Variants in CNTN1 observed in about 807,000 individuals in gnomAD.
The protein encoded by CNTN1 is contactin-1.
A neutral mutation model predicts 126.4 loss-of-function variants in CNTN1; 38 were observed. The observed-to-expected ratio is 0.30, with a 90% confidence interval of 0.23 to 0.39. The LOEUF (loss-of-function observed/expected upper bound fraction) is 0.39. Among genes scored for constraint, CNTN1 ranks in the 10% least tolerant of loss-of-function variants. CNTN1 has a pLI of 1.00. For missense variants in CNTN1, 1,009 were observed against 1,248.4 expected (o/e 0.81, Z 2.89); for synonymous variants, 413 against 422.6 (o/e 0.98, Z 0.28).
intron 23 of CNTN1, chr12:41,061,963 TA>T (rs1446206776): frequency 8.7e-6 from 2 of 230,674 alleles, no homozygotes; most frequent in Non-Finnish European, 1.8e-5. Flanking sequence ...CAAAGGGAAA[TA>T]AAATCATCAA....
intron 20 of CNTN1, among the ~76,000 whole-genome samples, chr12:41,020,669 T>C (rs1039049349): frequency 8.5e-5 from 13 of 152,184 alleles, no homozygotes; most frequent in Middle Eastern, 3.4e-3. Flanking sequence ...TGGCAAACAA[T>C]TGGCCAAAAT....
chr12:40,902,975 A>C (rs774190869), intron 1 of CNTN1, among the ~76,000 whole-genome samples: 2 of 152,188 alleles, frequency 1.3e-5, no homozygotes, highest in Non-Finnish European at 2.9e-5. Flanking sequence ...AGAGAAGGAG[A>C]AAGAAAGACG....
chr12:40,881,753 G>A (rs1422987956), intron 1 of CNTN1, among the ~76,000 whole-genome samples: 18 of 151,706 alleles, frequency 1.2e-4, no homozygotes, highest in Non-Finnish European at 2.2e-4. Context: ...TAGGTGATTT[G>A]GGTTTACCGT....
intron 1 of CNTN1, among the ~76,000 whole-genome samples, chr12:40,759,167 G>A (rs1938734030): frequency 6.6e-6 from 1 of 152,104 alleles, no homozygotes; most frequent in Non-Finnish European, 1.5e-5. Context: ...GCCTCCCAAT[G>A]TGCTGGAATT....
intron 15 of CNTN1, among the ~76,000 whole-genome samples, chr12:40,975,604 A>G (rs1312881286): frequency 6.6e-6 from 1 of 152,116 alleles, no homozygotes; most frequent in Non-Finnish European, 1.5e-5. Context: ...AGCATTCTCT[A>G]AGAGGAATTT....
At chr12:40,810,592 T>G (rs1331203276) in intron 1 of CNTN1, among the ~76,000 whole-genome samples, 2 of 101,040 alleles carry the variant, frequency 2.0e-5, no homozygotes, top group African/African-American at 7.2e-5. Context: ...TCTATGAGAT[T>G]GATTTTTTTT....
At chr12:40,792,727 G>A (rs1940266622) in intron 1 of CNTN1, among the ~76,000 whole-genome samples, 1 of 151,812 alleles carries the variant, frequency 6.6e-6, no homozygotes, top group Non-Finnish European at 1.5e-5. Context: ...GGTCTTTTTA[G>A]TTTTAATTGT....
At chr12:40,964,488 C>T (rs566057898) in intron 15 of CNTN1, among the ~76,000 whole-genome samples, 5 of 150,636 alleles carry the variant, frequency 3.3e-5, no homozygotes, top group African/African-American at 4.9e-5. Flanking sequence ...TTTAACCTTA[C>T]GTGGACTTGT....
At chr12:40,898,998 G>A (rs567038189) in intron 1 of CNTN1, among the ~76,000 whole-genome samples, 85 of 152,268 alleles carry the variant, frequency 5.6e-4, no homozygotes, top group South Asian at 3.1e-3. Flanking sequence ...TATTAGATGT[G>A]GGCATCTCCA....
intron 19 of CNTN1, among the ~76,000 whole-genome samples, chr12:41,017,924 T>C (rs944190625): frequency 6.6e-6 from 1 of 151,868 alleles, no homozygotes; most frequent in Non-Finnish European, 1.5e-5. Context: ...AAACCCTGTC[T>C]CTACTAAAAC....
chr12:40,863,367 A>G, intron 1 of CNTN1, among the ~76,000 whole-genome samples: 1 of 152,234 alleles, frequency 6.6e-6, no homozygotes, highest in Non-Finnish European at 1.5e-5. Context: ...ATTCTGTATT[A>G]GACAGAATAG....
rs150182029 is a variant in CNTN1, at chr12:40,790,998, C to T, written c.-77+98406C>T. On this transcript the variant is annotated intron_variant, in intron 1 of 23. Coordinates refer to ENST00000551295, the MANE Select transcript of CNTN1 (RefSeq NM_001843.4). ...CACAGTTTGTAAAAGAGAGGCTTTC[C>T]GGTAGTCTATGCCTGGGGTTAGGAA... Among the ~76,000 whole-genome samples the T allele has an allele frequency of 1.4e-4, 21 of 152,136 alleles. No homozygotes were observed. In the East Asian group the frequency reaches 3.1e-3, roughly 22 times the overall value.
intron 1 of CNTN1, among the ~76,000 whole-genome samples, chr12:40,843,127 G>GA (rs1204163024): frequency 6.6e-6 from 1 of 152,128 alleles, no homozygotes; most frequent in Non-Finnish European, 1.5e-5. Context: ...TTATGCCTTA[G>GA]AAAACATACC....
At chr12:40,814,696 T>C (rs1356626553) in intron 1 of CNTN1, among the ~76,000 whole-genome samples, 2 of 152,170 alleles carry the variant, frequency 1.3e-5, no homozygotes, top group East Asian at 3.9e-4. Flanking sequence ...TTTGGTTCCA[T>C]ATGAACTTTA....
intron 1 of CNTN1, among the ~76,000 whole-genome samples, chr12:40,859,828 A>G (rs1439925722): frequency 2.0e-5 from 3 of 152,170 alleles, no homozygotes; most frequent in Non-Finnish European, 4.4e-5. Context: ...ATTTTTACCA[A>G]TGCTAATGTT....
chr12:40,979,389 A>G (rs1020440475), intron 15 of CNTN1: 3 of 152,114 alleles, frequency 2.0e-5, no homozygotes, highest in African/African-American at 7.2e-5. Flanking sequence ...CAATGTTCTT[A>G]TAAAGAAAAA....
At chr12:40,810,741 G>A (rs1427904018) in intron 1 of CNTN1, among the ~76,000 whole-genome samples, 1 of 152,082 alleles carries the variant, frequency 6.6e-6, no homozygotes, top group Non-Finnish European at 1.5e-5. Context: ...AATTGAGCTG[G>A]AATAGTGGCT....
At chr12:40,806,125 C>T (rs1023473261) in intron 1 of CNTN1, among the ~76,000 whole-genome samples, 4 of 152,050 alleles carry the variant, frequency 2.6e-5, no homozygotes, top group Non-Finnish European at 5.9e-5. Flanking sequence ...GCAAGGATAA[C>T]AGGCTCTCTA....
chr12:41,053,583 C>T (rs1392380946), intron 23 of CNTN1, among the ~76,000 whole-genome samples: 1 of 149,742 alleles, frequency 6.7e-6, no homozygotes, highest in East Asian at 1.9e-4. Context: ...GATGTTTGAA[C>T]ATATCTTTTG....
Sources: allele counts gnomAD v4.1 joint callset (sites outside exome capture counted in the v4.1 genomes callset), GRCh38; gene constraint gnomAD v4.1.1; transcripts MANE v1.5; gene names NCBI Gene and HGNC (gene_info 2026-07-23, HGNC 2026-07-21).